The following USP32 variants were observed in gnomAD, a reference collection of about 807,000 sequenced individuals.
USP32 encodes the protein ubiquitin carboxyl-terminal hydrolase 32.
A neutral mutation model predicts 204.8 loss-of-function variants in USP32; 59 were observed. The ratio of observed to expected loss-of-function variants is 0.29; its 90% CI spans 0.23 to 0.36. USP32 has a LOEUF of 0.36. USP32 is among the 10% of genes least tolerant of loss of function. The pLI, the probability that USP32 is intolerant of heterozygous loss-of-function variation, is 1.00. For missense variants in USP32, 1,160 were observed against 1,946.4 expected, an observed-to-expected ratio of 0.60 and a Z score of 7.60; for synonymous variants, 517 against 678.4, an observed-to-expected ratio of 0.76 and a Z score of 3.70.
upstream of USP32, among the ~76,000 whole-genome samples, chr17:60,393,171 T>G (rs988837456): frequency 1.3e-5 from 2 of 152,200 alleles, no homozygotes; most frequent in African/African-American, 4.8e-5. Context: ...ACTATCAATT[T>G]CACTACTCTT....
At chr17:60,327,500 C>T (rs73320716) in intron 2 of USP32, among the ~76,000 whole-genome samples, 6,426 of 150,754 alleles carry the variant, frequency 0.043, 482 homozygotes, top group African/African-American at 0.15. Flanking sequence ...CCGCCCACCC[C>T]ACCCCACCTC....
chr17:60,420,082 T>C (rs2090097743), intron 1 of USP32, among the ~76,000 whole-genome samples: 1 of 150,426 alleles, frequency 6.6e-6, no homozygotes, highest in South Asian at 2.1e-4. Flanking sequence ...TATTTTATTT[T>C]ATTTTATTTT....
At chr17:60,379,494 T>C (rs868502481) in intron 1 of USP32, among the ~76,000 whole-genome samples, 4 of 152,138 alleles carry the variant, frequency 2.6e-5, no homozygotes, top group Admixed American at 6.5e-5. Context: ...CAAGAGGCAC[T>C]AGTGAAGAAC....
chr17:60,269,398 G>T (rs2086673798), intron 7 of USP32, 52 bp downstream of exon 7: 2 of 1,350,764 alleles, frequency 1.5e-6, no homozygotes, highest in South Asian at 1.3e-5. Context: ...GATGAAAACT[G>T]ATTTTCTCTC....
intron 1 of USP32, among the ~76,000 whole-genome samples, chr17:60,351,822 G>C (rs2088957771): frequency 6.6e-6 from 1 of 152,106 alleles, no homozygotes; most frequent in African/African-American, 2.4e-5. Flanking sequence ...GAAAAGACAG[G>C]ACACAACAAA....
intron 1 of USP32, among the ~76,000 whole-genome samples, chr17:60,351,770 G>A (rs1306558897): frequency 6.6e-6 from 1 of 152,180 alleles, no homozygotes; most frequent in East Asian, 1.9e-4. Flanking sequence ...GTCAAGATGA[G>A]TAATACATAG....
rs534779721 is a variant in USP32, at chr17:60,255,320, C to T, written c.991-62G>A. ...TTTCTTTTTTTTTTTTTTTTTGAGACGGAGTCTCATACTGTTGCCTGGGCT... is the reference window on the plus strand; with the variant it reads ...TTTCTTTTTTTTTTTTTTTTTGAGATGGAGTCTCATACTGTTGCCTGGGCT... On this transcript the variant is annotated intron_variant, in intron 9 of 33. Transcript: ENST00000300896. The T allele has an allele frequency of 1.0e-4, 122 of 1,194,470 alleles. 1 individual carries two copies. The East Asian group carries it at 3.0e-3, about 29-fold the overall frequency. 74.0% of individuals were successfully genotyped at this position (1,194,470 alleles called of 1,614,324 possible). A position where few individuals can be genotyped will look rare whatever the true frequency, so the allele number is the denominator to read the frequency against.
At position 60,294,726 on chromosome 17, in the gene USP32, A is replaced by G. The variant is rs1194323942; in HGVS notation, c.368T>C (p.Val123Ala). The change falls in exon 4 of 34, where the codon GTG (valine) becomes GCG (alanine). Residue 123 changes from valine (V) to alanine (A), a missense_variant. Around this residue, in one of 8 missense-constraint regions of USP32, gnomAD observed 536 missense variants for 680.9 expected, o/e 0.79. Coordinates refer to ENST00000300896, the MANE Select transcript of USP32 (RefSeq NM_032582.4). ...REEMERMLHV[V>A]DGKVPDTLRK... ...GAGTGTATCTGGGACTTTACCATCC[A>G]CCACGTGGAGCATTCTTTCCATTTC... is the stretch of plus-strand genomic sequence containing the variant. 1 of 1,613,084 alleles carries G rather than the reference A, an allele frequency of 6.2e-7. No homozygotes were observed. Among genetic ancestry groups the G allele is most frequent in the Non-Finnish European group, 8.5e-7 (1 of 1,179,358 alleles).
Position 60,318,007 on chromosome 17 carries a change from CA to C in USP32, c.187-16304del, listed in dbSNP as rs368231468. Among the ~76,000 whole-genome samples the C allele has an allele frequency of 1.8e-3, 275 of 151,670 alleles. 2 individuals are homozygous for C. The highest frequency in any genetic ancestry group is 5.5e-3 in the African/African-American group (229 of 41,394). ...CTCAAGAAAACAGAAAACAAACAAA[CA>C]AAAAAAACAGCCAACTGGCTTTTGT... is the stretch of plus-strand genomic sequence containing the variant. On this transcript the variant is annotated intron_variant, in intron 2 of 33. Transcript: ENST00000300896.
At chr17:60,421,529 G>T (rs2090113896) in intron 1 of USP32, 2 of 985,374 alleles carry the variant, frequency 2.0e-6, no homozygotes, top group Non-Finnish European at 2.4e-6. Flanking sequence ...AGGACACGAA[G>T]GAAGGTCCGG....
chr17:60,334,616 C>T (rs1244009163), intron 2 of USP32, among the ~76,000 whole-genome samples: 13 of 143,448 alleles, frequency 9.1e-5, no homozygotes, highest in Admixed American at 1.4e-4. Flanking sequence ...GGCCTGAACC[C>T]GGGAGGCGGA....
In USP32 at chr17:60,357,773, CT is replaced by C. The variant is rs879372175; in HGVS notation, c.59-12166del. Among the ~76,000 whole-genome samples, 852 of 146,260 alleles carry C rather than the reference CT, an allele frequency of 5.8e-3. 8 individuals are homozygous for C. The highest frequency in any genetic ancestry group is 9.6e-3 in the African/African-American group (386 of 40,268). On this transcript the variant is annotated intron_variant, in intron 1 of 33. Coordinates refer to ENST00000300896, the MANE Select transcript of USP32 (RefSeq NM_032582.4). ...ATTCTCAAGCATTGGCATTTAGATA[CT>C]TTTTTTTTTTTGAGACGGAGTTTCA...
At position 60,294,764 on chromosome 17, in the gene USP32, A is replaced by C; in HGVS notation, c.330T>G (p.Tyr110Ter). The change falls in exon 4 of 34, where the codon TAT becomes TAG. Residue 110 changes from tyrosine (Y) to a stop codon, truncating the protein, a stop_gained. Transcript: ENST00000300896. LOFTEE classifies it high-confidence loss of function. ...FSLFSSESGN[Y>*]VIREEMERML... ...TTCTTTCCATTTCTTCCCGTATAAC[A>C]TAGTTCCCAGATTCACTTGAAAAAA... is the stretch of plus-strand genomic sequence containing the variant. 1 of 1,612,634 alleles carries C rather than the reference A, an allele frequency of 6.2e-7. No individual in the cohort carries two copies. Among genetic ancestry groups the C allele is most frequent in the Non-Finnish European group, 8.5e-7 (1 of 1,179,190 alleles).
intron 1 of USP32, among the ~76,000 whole-genome samples, chr17:60,400,024 G>A (rs2089924551): frequency 6.6e-6 from 1 of 152,110 alleles, no homozygotes; most frequent in Non-Finnish European, 1.5e-5. Flanking sequence ...GAGTGCAGTA[G>A]TGTGATCTCG....
At chr17:60,295,837 C>T (rs765254615) in intron 3 of USP32, among the ~76,000 whole-genome samples, 6 of 151,932 alleles carry the variant, frequency 3.9e-5, no homozygotes, top group South Asian at 4.1e-4. Context: ...TAGGAAGAAA[C>T]GGTATATATA....
intron 5 of USP32, among the ~76,000 whole-genome samples, chr17:60,280,221 C>T (rs1012453507): frequency 6.6e-6 from 1 of 152,024 alleles, no homozygotes; most frequent in Admixed American, 6.6e-5. Flanking sequence ...CTCAGCCTCC[C>T]GAGTAGCTGG....
intron 4 of USP32, among the ~76,000 whole-genome samples, chr17:60,292,884 G>A (rs78605124): frequency 6.6e-6 from 1 of 151,886 alleles, no homozygotes; most frequent in East Asian, 1.9e-4. Context: ...CTGTCCTATA[G>A]GACAATATAT....
rs772755160 is a variant in USP32, at chr17:60,294,672, T to C, written c.411+11A>G. The C allele has an allele frequency of 1.9e-6, 3 of 1,560,624 alleles. No homozygotes were observed. In the Admixed American group the frequency reaches 5.3e-5, roughly 27 times the overall value. On this transcript the variant is annotated intron_variant, in intron 4 of 33. Coordinates refer to ENST00000300896, the MANE Select transcript of USP32 (RefSeq NM_032582.4). ...AATGAAAAGGGATAAAATGTAAATC[T>C]TTAACTATACCTCTGAGAAACACTT...
chr17:60,320,943 T>A (rs1567850816), intron 2 of USP32, among the ~76,000 whole-genome samples: 1 of 152,082 alleles, frequency 6.6e-6, no homozygotes. Context: ...ATGGGACAAA[T>A]TCTCATTGCT....
Sources: allele counts gnomAD v4.1 joint callset (sites outside exome capture counted in the v4.1 genomes callset), GRCh38; gene constraint gnomAD v4.1.1; regional missense constraint gnomAD v4.1.1; transcripts MANE v1.5; gene names NCBI Gene and HGNC (gene_info 2026-07-23, HGNC 2026-07-21).